Variants in ITGAM observed in about 807,000 individuals in gnomAD.
ITGAM encodes integrin subunit alpha M, also known as integrin alpha-M.
ITGAM carries 79 observed loss-of-function variants against 137.5 expected under a neutral mutation model. The observed-to-expected ratio is 0.57, with a 90% CI of 0.48 to 0.69. ITGAM has a LOEUF of 0.69. Among genes scored for constraint, ITGAM ranks in the 30% least tolerant of loss-of-function variants. The pLI is 0.00. For synonymous variants in ITGAM, 583 were observed against 592.3 expected, an observed-to-expected ratio of 0.98 and a Z score of 0.23; for missense variants, 1,343 against 1,483.5, an observed-to-expected ratio of 0.91 and a Z score of 1.56.
chr16:31,310,682 T>A (rs2080318350), intron 14 of ITGAM, among the ~76,000 whole-genome samples: 1 of 152,334 alleles, frequency 6.6e-6, no homozygotes, highest in Non-Finnish European at 1.5e-5. Flanking sequence ...TCTGAAGCCT[T>A]CCTCTCTCAA....
chr16:31,294,811 A>G (rs772194377), intron 12 of ITGAM, among the ~76,000 whole-genome samples: 3 of 152,106 alleles, frequency 2.0e-5, no homozygotes, highest in Non-Finnish European at 4.4e-5. Context: ...CTTGATTGTC[A>G]AGAAGCTTTT....
chr16:31,302,968 C>CTTTCTTTCTTTCTTTCTT (rs2080228686), intron 14 of ITGAM, among the ~76,000 whole-genome samples: 1 of 109,456 alleles, frequency 9.1e-6, no homozygotes, highest in Non-Finnish European at 1.9e-5. Context: ...TTCTTTCTTT[C>CTTTCTTTCTTTCTTTCTT]TTTCTTTCTT....
At chr16:31,302,515 TTTTC>T (rs2080217631) in intron 14 of ITGAM, among the ~76,000 whole-genome samples, 2 of 149,622 alleles carry the variant, frequency 1.3e-5, no homozygotes, top group African/African-American at 5.0e-5. Flanking sequence ...TCTTTCTTTT[TTTTC>T]TTTCTCTTTC....
In ITGAM at chr16:31,266,145, G is replaced by A; in HGVS notation, c.425G>A (p.Arg142Gln). 4 of 1,610,614 alleles carry A rather than the reference G, an allele frequency of 2.5e-6. No homozygotes were observed. In the East Asian group the frequency reaches 6.7e-5, roughly 27 times the overall value. The stretch of plus-strand genomic sequence containing the variant: ...CCCCAGAAGTTCCCAGAGGCCCTCC[G>A]AGGTGGGTTGCCTTTGGCAGAGGGA... ...QQPQKFPEALRGCPQEDSDIA... is the reference protein window; with the variant it reads ...QQPQKFPEALQGCPQEDSDIA... The change falls in exon 5 of 30, where the codon CGA becomes CAA. Residue 142 changes from arginine to glutamine, a missense_variant and splice_region_variant. By Grantham distance (43) the Arg-to-Gln change is conservative. Transcript: ENST00000544665.
intron 10 of ITGAM, 45 bp downstream of exon 10, chr16:31,276,789 C>T: frequency 6.5e-7 from 1 of 1,530,018 alleles, no homozygotes; most frequent in Non-Finnish European, 9.0e-7. Flanking sequence ...CAGGGGGTAG[C>T]AAGAAGAGAT....
chr16:31,281,946 A>T (rs1000572905), intron 12 of ITGAM, among the ~76,000 whole-genome samples: 1 of 152,196 alleles, frequency 6.6e-6, no homozygotes, highest in Non-Finnish European at 1.5e-5. Context: ...TTCAAAGAAC[A>T]TCTTTATTTC....
Position 31,321,263 on chromosome 16 carries a change from C to A in ITGAM, c.1730C>A (p.Ser577Tyr), listed in dbSNP as rs751275058. Residue 577 changes from serine (S) to tyrosine (Y), a missense_variant, in exon 15 of 30, where the codon TCT (serine) becomes TAT (tyrosine). By Grantham distance (144) the Ser-to-Tyr change is moderately radical. Coordinates refer to ENST00000544665, the MANE Select transcript of ITGAM (RefSeq NM_000632.4). The stretch of plus-strand genomic sequence containing the variant: ...CAGCGGATAGCAGGCTCCAAGCTCT[C>A]TCCCAGGCTCCAGTATTTTGGTCAG... ...HSQRIAGSKL[S>Y]PRLQYFGQSL... The A allele has an allele frequency of 1.1e-5, 17 of 1,613,976 alleles. No individual in the cohort carries two copies. Among genetic ancestry groups the A allele is most frequent in the Non-Finnish European group, 1.4e-5 (17 of 1,179,880 alleles).
chr16:31,302,458 C>T (rs200894940), intron 14 of ITGAM, among the ~76,000 whole-genome samples: 11,387 of 110,710 alleles, frequency 0.1, 872 homozygotes, highest in African/African-American at 0.19. Context: ...TTTCTTCCTT[C>T]CTTTCTTTCT....
At chr16:31,266,429 A>G (rs948812765) in intron 5 of ITGAM, among the ~76,000 whole-genome samples, 5 of 151,822 alleles carry the variant, frequency 3.3e-5, no homozygotes, top group Non-Finnish European at 5.9e-5. Context: ...AAAAAAAAAA[A>G]AAAAAAAATT....
chr16:31,306,696 G>C (rs1057415164), intron 14 of ITGAM, among the ~76,000 whole-genome samples: 12 of 152,010 alleles, frequency 7.9e-5, no homozygotes, highest in Non-Finnish European at 1.2e-4. Context: ...ATTTTTAGTA[G>C]AGATTGGGTT....
chr16:31,327,998 C>G lies in ITGAM; in HGVS notation c.2709-149C>G. 6.1e-6 allele frequency: 4 copies of G among 655,444 alleles called. 1 individual carries two copies. The South Asian group carries it at 6.8e-5, about 11-fold the overall frequency. 40.6% of individuals were successfully genotyped at this position (655,444 alleles called of 1,614,324 possible). ...TGGAGAGGGATGGGCCTGGGCTAGG[C>G]GGGGGCAGGGGTTGGAGAACAGTGG... On this transcript the variant is annotated intron_variant, in intron 22 of 29. Transcript: ENST00000544665.
intron 12 of ITGAM, among the ~76,000 whole-genome samples, chr16:31,294,364 T>C (rs2080113227): frequency 6.6e-6 from 1 of 152,174 alleles, no homozygotes; most frequent in Non-Finnish European, 1.5e-5. Flanking sequence ...ATGTTGGCTG[T>C]GGGTTTGTTG....
chr16:31,315,631 G>A (rs750709234), intron 14 of ITGAM, among the ~76,000 whole-genome samples: 15 of 151,678 alleles, frequency 9.9e-5, no homozygotes, highest in Non-Finnish European at 1.9e-4. Flanking sequence ...CTACTTTTTT[G>A]TATATTTAAT....
rs531780477 is a variant in ITGAM at position 31,273,307 on chromosome 16, A to C, written c.705-58A>C. On this transcript the variant is annotated intron_variant, in intron 7 of 29. Transcript: ENST00000544665. ...TGAGTGTCTATTTCTTAAAAAAAAAAAAAAACTAGTGTGTCATCTACTTGC... is the reference window on the plus strand; with the variant it reads ...TGAGTGTCTATTTCTTAAAAAAAAACAAAAACTAGTGTGTCATCTACTTGC... 21 of 1,507,818 alleles carry C rather than the reference A, an allele frequency of 1.4e-5. No homozygotes were observed. In the South Asian group the frequency reaches 2.5e-4, roughly 18 times the overall value. 93.4% of individuals were successfully genotyped at this position (1,507,818 alleles called of 1,614,324 possible). A position where few individuals can be genotyped will look rare whatever the true frequency, so the allele number is the denominator to read the frequency against.
At chr16:31,282,753 C>G (rs1213815770) in intron 12 of ITGAM, among the ~76,000 whole-genome samples, 1 of 152,142 alleles carries the variant, frequency 6.6e-6, no homozygotes, top group African/African-American at 2.4e-5. Flanking sequence ...GAATTAGATC[C>G]TGTCATTATG....
chr16:31,297,800 G>C lies in ITGAM; in HGVS notation c.1553G>C (p.Gly518Ala). The C allele has an allele frequency of 6.2e-7, 1 of 1,609,014 alleles. No homozygotes were observed. The highest frequency in any genetic ancestry group is 8.5e-7 in the Non-Finnish European group (1 of 1,178,290). ...TACGGGGAGCAGGGCCAACCCTGGG[G>C]CCGCTTTGGGGCAGCCCTAACAGTG... is the stretch of plus-strand genomic sequence containing the variant. ...VLYGEQGQPWGRFGAALTVLG... is the reference protein window; with the variant it reads ...VLYGEQGQPWARFGAALTVLG... The change falls in exon 14 of 30, where the codon GGC becomes GCC. Residue 518 changes from glycine (G) to alanine (A), a missense_variant. Transcript: ENST00000544665.
chr16:31,302,425 TTTC>T (rs1222930401), intron 14 of ITGAM, among the ~76,000 whole-genome samples: 1,327 of 120,814 alleles, frequency 0.011, 24 homozygotes, highest in African/African-American at 0.055. Context: ...TCTTTCTTTC[TTTC>T]TTCTTTCTTT....
At chr16:31,261,325 C>T (rs1475154430) in intron 1 of ITGAM, among the ~76,000 whole-genome samples, 1 of 151,046 alleles carries the variant, frequency 6.6e-6, no homozygotes, top group Non-Finnish European at 1.5e-5. Context: ...ACCTCAGCCT[C>T]CTGAGTACCA....
In ITGAM at chr16:31,330,503, G is replaced by T; in HGVS notation, c.3175-1G>T. ...CAGTGCCCACCCGCTCTCTTCCACA[G>T]ACCTCGCATAACCACCTCCTGATCG... On this transcript the variant is annotated splice_acceptor_variant, in intron 27 of 29. Coordinates refer to ENST00000544665, the MANE Select transcript of ITGAM (RefSeq NM_000632.4). LOFTEE classifies it high-confidence loss of function. The T allele has an allele frequency of 3.7e-6, 6 of 1,613,778 alleles. No individual in the cohort carries two copies. The highest frequency in any genetic ancestry group is 4.2e-6 in the Non-Finnish European group (5 of 1,179,702).
Sources: allele counts gnomAD v4.1 joint callset (sites outside exome capture counted in the v4.1 genomes callset), GRCh38; gene constraint gnomAD v4.1.1; transcripts MANE v1.5; gene names NCBI Gene and HGNC (gene_info 2026-07-23, HGNC 2026-07-21).